Variants in SRL observed in about 807,000 individuals in gnomAD.
SRL encodes the protein sarcalumenin.
SRL carries 23 observed loss-of-function variants against 39.5 expected under a neutral mutation model. The ratio of observed to expected loss-of-function variants is 0.58; its 90% confidence interval spans 0.42 to 0.82. SRL has a LOEUF of 0.82. Ranked by LOEUF, SRL falls within the 40% of genes least tolerant of loss-of-function variation. The probability of loss-of-function intolerance (pLI) is 0.00; values close to 1 mark genes in which losing one functional copy is unlikely to be tolerated. For missense variants in SRL, 592 were observed against 607.8 expected (o/e 0.97, Z 0.27); for synonymous variants, 272 against 237.4 (o/e 1.15, Z -1.34).
In SRL at chr16:4,197,009, A is replaced by G. The variant is rs562966895; in HGVS notation, c.376+790T>C. Reference sequence around the variant, plus strand: ...TTTGGCTATTGTGAATAATGCTGCTATGGACATTGGTGCAGATGTCTTTTT... The same window carrying G: ...TTTGGCTATTGTGAATAATGCTGCTGTGGACATTGGTGCAGATGTCTTTTT... On this transcript the variant is annotated intron_variant, in intron 4 of 5. Coordinates refer to ENST00000399609, the MANE Select transcript of SRL (RefSeq NM_001098814.2). Among the ~76,000 whole-genome samples the G allele has an allele frequency of 1.1e-4, 16 of 146,488 alleles. No homozygotes were observed. In the South Asian group the frequency reaches 3.2e-3, roughly 30 times the overall value.
intron 1 of SRL, among the ~76,000 whole-genome samples, chr16:4,236,297 C>T (rs996627529): frequency 3.3e-5 from 5 of 152,260 alleles, no homozygotes; most frequent in Middle Eastern, 3.4e-3. Context: ...TCTCCCTCAG[C>T]ATCTCTGTGA....
At chr16:4,241,968 G>A (rs1282105244) in intron 1 of SRL, 39 bp downstream of exon 1, 1 of 1,610,728 alleles carries the variant, frequency 6.2e-7, no homozygotes. Context: ...GAAGCGTGGG[G>A]GACCAGTCTG....
chr16:4,212,598 T>C (rs952040426), intron 1 of SRL, among the ~76,000 whole-genome samples: 1 of 152,146 alleles, frequency 6.6e-6, no homozygotes, highest in Non-Finnish European at 1.5e-5. Flanking sequence ...TCCTGGGACA[T>C]GAAGTACCGC....
At chr16:4,193,500 G>A (rs796242802) in intron 5 of SRL, among the ~76,000 whole-genome samples, 1 of 152,212 alleles carries the variant, frequency 6.6e-6, no homozygotes, top group Non-Finnish European at 1.5e-5. Flanking sequence ...CATTATTTAC[G>A]GGGAAGGAAT....
intron 1 of SRL, among the ~76,000 whole-genome samples, chr16:4,213,404 C>CTTTTTCTTTTTTTTTTT (rs1237775177): frequency 1.4e-4 from 10 of 69,584 alleles, no homozygotes; most frequent in African/African-American, 2.5e-4. Flanking sequence ...TTTTCTTTTT[C>CTTTTTCTTTTTTTTTTT]TTTTTTTTTT....
chr16:4,216,358 G>C (rs2052459560), intron 1 of SRL, among the ~76,000 whole-genome samples: 1 of 151,992 alleles, frequency 6.6e-6, no homozygotes, highest in Non-Finnish European at 1.5e-5. Flanking sequence ...TGCAACCTCT[G>C]CCTCCTAGAT....
intron 1 of SRL, among the ~76,000 whole-genome samples, chr16:4,235,849 G>A (rs575130982): frequency 2.2e-3 from 329 of 152,334 alleles, no homozygotes; most frequent in African/African-American, 7.8e-3. Context: ...CAGCACTTGG[G>A]AGGCCGAGGT....
intron 1 of SRL, among the ~76,000 whole-genome samples, chr16:4,229,459 C>T (rs1030054662): frequency 6.6e-6 from 1 of 151,590 alleles, no homozygotes; most frequent in Non-Finnish European, 1.5e-5. Flanking sequence ...CAAAAAAAAA[C>T]AAAAAACATG....
intron 1 of SRL, among the ~76,000 whole-genome samples, chr16:4,216,946 G>A (rs767113408): frequency 5.9e-5 from 9 of 152,190 alleles, no homozygotes; most frequent in Non-Finnish European, 1.2e-4. Context: ...TGGAAGCCAA[G>A]GGAGCGTGGC....
chr16:4,204,732 G>T, intron 1 of SRL, 98 bp from the exon 2 acceptor site: 3 of 963,934 alleles, frequency 3.1e-6, no homozygotes, highest in Non-Finnish European at 4.9e-6. Context: ...TCAAGCAGGG[G>T]CTCAACAGGG....
chr16:4,235,296 TGAGTCCCACCAATGGGACACGA>T (rs1272886942), intron 1 of SRL, among the ~76,000 whole-genome samples: 3 of 152,200 alleles, frequency 2.0e-5, no homozygotes, highest in Admixed American at 1.3e-4. Flanking sequence ...CATGCCAAAG[TGAGTCCCACCAATGGGACACGA>T]GAGGGCACAG....
At position 4,191,558 on chromosome 16, in the gene SRL, C is replaced by G. The variant is rs955395937; in HGVS notation, c.*595G>C. On this transcript the variant is annotated 3_prime_UTR_variant, in exon 6 of 6. Coordinates refer to ENST00000399609, the MANE Select transcript of SRL (RefSeq NM_001098814.2). ...CCCAGGAGGGGGAGGTTGCAGTGAG[C>G]TGAGATTGCACCACTGCACTCCAAC... The G allele has an allele frequency of 1.3e-5, 2 of 152,822 alleles. No homozygotes were observed. Among genetic ancestry groups the G allele is most frequent in the African/African-American group, 4.8e-5 (2 of 41,468 alleles). 9.5% of individuals were successfully genotyped at this position (152,822 alleles called of 1,614,324 possible).
At chr16:4,234,883 A>C (rs2052698961) in intron 1 of SRL, among the ~76,000 whole-genome samples, 1 of 152,230 alleles carries the variant, frequency 6.6e-6, no homozygotes, top group African/African-American at 2.4e-5. Context: ...GAGATTTAGG[A>C]ACTTTGGGTG....
intron 1 of SRL, among the ~76,000 whole-genome samples, chr16:4,221,108 G>A (rs1243223963): frequency 1.3e-5 from 2 of 151,786 alleles, no homozygotes; most frequent in Admixed American, 6.6e-5. Flanking sequence ...GAGTGCAGTG[G>A]CACTATCTCA....
chr16:4,242,038 G>A lies in SRL; in HGVS notation c.30C>T (p.Leu10=). ...GTCCTGAGAACAGGAGCGAGGCCAG[G>A]AGGCAGCCGAGCAGGACCAGCGCCC... MRALVLLGC[L]LASLLFSGQA... Residue 10 remains leucine (L), a synonymous_variant, in exon 1 of 6, where the codon CTC becomes CTT. Coordinates refer to ENST00000399609, the MANE Select transcript of SRL (RefSeq NM_001098814.2). 1.2e-6 allele frequency: 2 copies of A among 1,613,186 alleles called. No individual in the cohort carries two copies. Among genetic ancestry groups the A allele is most frequent in the Non-Finnish European group, 1.7e-6 (2 of 1,179,866 alleles).
At chr16:4,217,884 T>C (rs957289186) in intron 1 of SRL, among the ~76,000 whole-genome samples, 22 of 152,120 alleles carry the variant, frequency 1.4e-4, no homozygotes, top group African/African-American at 4.8e-4. Flanking sequence ...CCTCCGGGTC[T>C]GGGGGCTCAG....
intron 1 of SRL, chr16:4,207,992 G>A (rs1336696613): frequency 2.2e-6 from 1 of 456,752 alleles, no homozygotes; most frequent in East Asian, 6.9e-5. Context: ...GAGGGGCTGT[G>A]TCTGCATAAA....
chr16:4,194,329 C>T (rs2052106149), intron 5 of SRL, among the ~76,000 whole-genome samples: 1 of 152,224 alleles, frequency 6.6e-6, no homozygotes, highest in Non-Finnish European at 1.5e-5. Flanking sequence ...CCCCTTCCCC[C>T]CAGCCCCTGG....
chr16:4,236,639 C>T (rs776385237), intron 1 of SRL, among the ~76,000 whole-genome samples: 9 of 151,912 alleles, frequency 5.9e-5, no homozygotes, highest in Non-Finnish European at 8.8e-5. Context: ...TTCATAATGA[C>T]CCAAACTGAA....
Sources: allele counts gnomAD v4.1 joint callset (sites outside exome capture counted in the v4.1 genomes callset), GRCh38; gene constraint gnomAD v4.1.1; transcripts MANE v1.5; gene names NCBI Gene and HGNC (gene_info 2026-07-23, HGNC 2026-07-21).